Variants in AFF3 observed in about 807,000 individuals in gnomAD.
AFF3 encodes ALF transcription elongation factor 3.
A neutral mutation model predicts 129.7 loss-of-function variants in AFF3; 32 were observed. The observed-to-expected ratio is 0.25, with a 90% confidence interval of 0.19 to 0.33. AFF3 has a LOEUF of 0.33. Ranked by LOEUF, AFF3 falls within the 10% of genes least tolerant of loss-of-function variation. AFF3 has a pLI of 1.00. For missense variants in AFF3, 1,373 were observed against 1,592.0 expected (o/e 0.86, Z 2.34); for synonymous variants, 644 against 635.4 (o/e 1.01, Z -0.20).
intron 4 of AFF3, among the ~76,000 whole-genome samples, chr2:100,047,648 C>T (rs1685946688): frequency 1.3e-5 from 2 of 152,222 alleles, no homozygotes; most frequent in African/African-American, 2.4e-5. Context: ...AAAAAGTCAG[C>T]GATTAGCTCT....
At chr2:99,740,289 T>G (rs1347381066) in intron 10 of AFF3, among the ~76,000 whole-genome samples, 4 of 151,066 alleles carry the variant, frequency 2.6e-5, no homozygotes, top group African/African-American at 9.7e-5. Flanking sequence ...GCATGTGTCT[T>G]TATAGCAGCA....
At chr2:100,067,635 C>T (rs1687836402) in intron 4 of AFF3, among the ~76,000 whole-genome samples, 2 of 152,054 alleles carry the variant, frequency 1.3e-5, no homozygotes, top group Non-Finnish European at 2.9e-5. Context: ...ATAATGCACA[C>T]TAGCATGATG....
At chr2:99,969,681 T>G (rs1029818584) in intron 7 of AFF3, among the ~76,000 whole-genome samples, 2 of 151,674 alleles carry the variant, frequency 1.3e-5, no homozygotes, top group African/African-American at 2.4e-5. Context: ...TGTTGTTGTT[T>G]TAGTAGAGAT....
intron 4 of AFF3, among the ~76,000 whole-genome samples, chr2:100,045,577 T>C (rs1685767460): frequency 6.6e-6 from 1 of 151,906 alleles, no homozygotes. Flanking sequence ...TTTTTTTTTT[T>C]TTTGATAAAA....
At chr2:99,997,525 C>T (rs892491798) in intron 7 of AFF3, among the ~76,000 whole-genome samples, 8 of 151,598 alleles carry the variant, frequency 5.3e-5, no homozygotes, top group Non-Finnish European at 2.9e-5. Flanking sequence ...TTCCACTTCT[C>T]CCCTGACCCA....
chr2:99,902,759 A>G (rs562925400), intron 7 of AFF3, among the ~76,000 whole-genome samples: 84 of 152,286 alleles, frequency 5.5e-4, no homozygotes, highest in Middle Eastern at 3.4e-3. Context: ...AACACAAAGA[A>G]AAAACAGTAA....
intron 4 of AFF3, among the ~76,000 whole-genome samples, chr2:100,050,001 C>T (rs1348735521): frequency 1.3e-5 from 2 of 152,146 alleles, no homozygotes; most frequent in East Asian, 1.9e-4. Flanking sequence ...ACCACGAGGT[C>T]AGGAGTTCAA....
intron 13 of AFF3, among the ~76,000 whole-genome samples, chr2:99,611,887 A>AG (rs1680966879): frequency 2.0e-5 from 1 of 48,920 alleles, no homozygotes; most frequent in Non-Finnish European, 7.2e-5. Flanking sequence ...ATATCATCTC[A>AG]AAAAAAAAAA....
At chr2:99,957,194 TGCGC>T (rs553753283) in intron 7 of AFF3, among the ~76,000 whole-genome samples, 1 of 151,416 alleles carries the variant, frequency 6.6e-6, no homozygotes, top group South Asian at 2.1e-4. Flanking sequence ...TGTGTGTGTG[TGCGC>T]GCGCGCGCAT....
At chr2:99,720,880 A>T (rs1678829032) in intron 11 of AFF3, among the ~76,000 whole-genome samples, 1 of 152,194 alleles carries the variant, frequency 6.6e-6, no homozygotes, top group Non-Finnish European at 1.5e-5. Flanking sequence ...ATTTAATGTC[A>T]TATCACTTCA....
chr2:99,750,224 G>C (rs1249621555), intron 9 of AFF3, among the ~76,000 whole-genome samples: 1 of 152,066 alleles, frequency 6.6e-6, no homozygotes, highest in Non-Finnish European at 1.5e-5. Context: ...TTTTTAAAAA[G>C]TGGTAATGGG....
At chr2:99,777,200 C>T (rs1683970191) in intron 8 of AFF3, among the ~76,000 whole-genome samples, 1 of 152,166 alleles carries the variant, frequency 6.6e-6, no homozygotes, top group South Asian at 2.1e-4. Flanking sequence ...ACATGTAAGT[C>T]TCCACGCTGA....
At chr2:99,752,124 T>C in intron 9 of AFF3, 97 bp downstream of exon 9, 2 of 1,125,798 alleles carry the variant, frequency 1.8e-6, no homozygotes, top group Non-Finnish European at 2.6e-6. Context: ...GGCAGGAATA[T>C]TTACAGAAGA....
chr2:99,846,181 G>A (rs1465738669), intron 7 of AFF3, among the ~76,000 whole-genome samples: 1 of 151,894 alleles, frequency 6.6e-6, no homozygotes, highest in Non-Finnish European at 1.5e-5. Context: ...CCAGGCTGGA[G>A]TGCAACGGGG....
chr2:99,960,166 A>C (rs1367822761), intron 7 of AFF3, among the ~76,000 whole-genome samples: 2 of 152,202 alleles, frequency 1.3e-5, no homozygotes, highest in Non-Finnish European at 2.9e-5. Flanking sequence ...TTAATAGAGT[A>C]GCACAATCAA....
At chr2:99,930,984 A>G (rs1696635610) in intron 7 of AFF3, among the ~76,000 whole-genome samples, 1 of 152,208 alleles carries the variant, frequency 6.6e-6, no homozygotes, top group South Asian at 2.1e-4. Flanking sequence ...TGAAGTTCCG[A>G]GAACCACCAG....
chr2:99,580,484 C>T (rs1187065834), intron 17 of AFF3, among the ~76,000 whole-genome samples: 1 of 152,160 alleles, frequency 6.6e-6, no homozygotes, highest in East Asian at 1.9e-4. Flanking sequence ...TAGTTGTCAC[C>T]ACTGCGAGTG....
chr2:99,676,047 G>A lies in AFF3; in HGVS notation c.1092-3458C>T, dbSNP rs369458963. On this transcript the variant is annotated intron_variant, in intron 11 of 24. Coordinates refer to ENST00000672756, the MANE Select transcript of AFF3 (RefSeq NM_001386135.1). ...GCTCTAAGGGGCTCCTGAGGGCTAA[G>A]TCATCTGCACGGAAGGACTAGCCAT... Among the ~76,000 whole-genome samples the A allele has an allele frequency of 1.3e-4, 20 of 151,158 alleles. 1 individual carries two copies. In the South Asian group the frequency reaches 1.7e-3, roughly 13 times the overall value.
At chr2:100,104,926 C>T (rs1381261168) in intron 3 of AFF3, 2 of 164,188 alleles carry the variant, frequency 1.2e-5, no homozygotes, top group Non-Finnish European at 2.4e-5. Flanking sequence ...GCCGCGCCCG[C>T]CCCGCGCGCC....
Sources: allele counts gnomAD v4.1 joint callset (sites outside exome capture counted in the v4.1 genomes callset), GRCh38; gene constraint gnomAD v4.1.1; transcripts MANE v1.5; gene names NCBI Gene and HGNC (gene_info 2026-07-23, HGNC 2026-07-21).